The following GNAS variants were observed in gnomAD, a reference collection of about 807,000 sequenced individuals.
GNAS encodes GNAS complex locus, also known as protein ALEX.
GNAS carries 8 observed loss-of-function variants against 54.5 expected under a neutral mutation model. The ratio of observed to expected loss-of-function variants is 0.15; its 90% confidence interval spans 0.09 to 0.26. GNAS has a LOEUF of 0.26. Ranked by LOEUF, GNAS falls within the 10% of genes least tolerant of loss-of-function variation. The probability of loss-of-function intolerance (pLI) is 1.00; values close to 1 mark genes in which losing one functional copy is unlikely to be tolerated. For missense variants in GNAS, 170 were observed against 529.8 expected (o/e 0.32, Z 6.67); for synonymous variants, 204 against 191.4 (o/e 1.07, Z -0.54).
chr20:58,906,452 G>C (rs2091052873), intron 6 of GNAS, among the ~76,000 whole-genome samples: 1 of 152,206 alleles, frequency 6.6e-6, no homozygotes, highest in Non-Finnish European at 1.5e-5. Context: ...AGTTGCCTTT[G>C]AAATAGTTTA....
intron 1 of GNAS, chr20:58,854,506 G>A (rs747039005): frequency 6.3e-7 from 1 of 1,575,222 alleles, no homozygotes. Context: ...CCCGACTCCG[G>A]GACAGCACCA....
chr20:58,871,666 A>G (rs1343986395), intron 1 of GNAS, among the ~76,000 whole-genome samples: 77 of 145,020 alleles, frequency 5.3e-4, no homozygotes, highest in Middle Eastern at 3.6e-3. Flanking sequence ...ATTAAAAGGG[A>G]GAGAGAGGAG....
In GNAS at chr20:58,910,440, CCT is replaced by C. The variant is rs771472751; in HGVS notation, c.1038+42_1038+43del. 1.3e-5 allele frequency: 19 copies of C among 1,456,982 alleles called. No homozygotes were observed. The highest frequency in any genetic ancestry group is 1.6e-5 in the Non-Finnish European group (17 of 1,036,964). 90.3% of individuals were successfully genotyped at this position (1,456,982 alleles called of 1,614,324 possible). ...GTCTTTAGTTTCCTCTCTTGTTCCT[CCT>C]CTTTTTCTCATGGATGTAAATTTAC... is the stretch of plus-strand genomic sequence containing the variant. On this transcript the variant is annotated intron_variant, in intron 12 of 12. Transcript: ENST00000371085. This position sits in a 1 kb window ranked among gnomAD's most constrained non-coding sequence, Gnocchi z 5.8.
upstream of GNAS, chr20:58,889,488 A>C (rs959603817): frequency 6.8e-6 from 2 of 295,636 alleles, no homozygotes; most frequent in Non-Finnish European, 9.9e-6. Flanking sequence ...GCACCCCCCA[A>C]TTCTCTCTCT....
intron 1 of GNAS, chr20:58,854,189 G>A: frequency 6.2e-7 from 1 of 1,613,044 alleles, no homozygotes; most frequent in African/African-American, 1.3e-5. Flanking sequence ...CCGGACCCCC[G>A]TTCGAGATTG....
At chr20:58,871,626 A>AG (rs1317409010) in intron 1 of GNAS, among the ~76,000 whole-genome samples, 1 of 147,662 alleles carries the variant, frequency 6.8e-6, no homozygotes, top group Non-Finnish European at 1.5e-5. Flanking sequence ...AAAAAAAAAA[A>AG]AAACAAACAA....
Position 58,853,630 on chromosome 20 carries a change from G to A in GNAS, c.43+12744G>A. 1 of 1,613,462 alleles carries A rather than the reference G, an allele frequency of 6.2e-7. No homozygotes were observed. Among genetic ancestry groups the A allele is most frequent in the Non-Finnish European group, 8.5e-7 (1 of 1,179,888 alleles). ...TTCTGGCCTACACTGGAGCAGCCTG[G>A]ATTCCCCAGTGGGGTCCATGCAGGC... On this transcript the variant is annotated intron_variant, in intron 1 of 12. Coordinates refer to the GNAS transcript ENST00000306090. This position sits in a 1 kb window ranked among gnomAD's most constrained non-coding sequence, Gnocchi z 4.4.
chr20:58,905,427 G>A lies in GNAS; in HGVS notation c.477G>A (p.Val159=), dbSNP rs1249617855. 2 of 1,611,024 alleles carry A rather than the reference G, an allele frequency of 1.2e-6. No individual in the cohort carries two copies. Among genetic ancestry groups the A allele is most frequent in the African/African-American group, 1.3e-5 (1 of 74,848 alleles). The part of the protein sequence containing the change: ...HAKALWEDEG[V]RACYERSNEY... ...AGGCTCTGTGGGAGGATGAAGGAGT[G>A]CGTGCCTGCTACGAACGCTCCAACG... is the stretch of plus-strand genomic sequence containing the variant. Residue 159 remains valine, a synonymous_variant, in exon 6 of 13, where the codon GTG becomes GTA. Coordinates refer to ENST00000371085, the MANE Select transcript of GNAS (RefSeq NM_000516.7).
In GNAS at chr20:58,873,450, T is replaced by C. The variant is rs1156256651; in HGVS notation, c.44-22162T>C. Among the ~76,000 whole-genome samples the C allele has an allele frequency of 6.6e-6, 1 of 152,250 alleles. No homozygotes were observed. The highest frequency in any genetic ancestry group is 2.4e-5 in the African/African-American group (1 of 41,456). On this transcript the variant is annotated intron_variant, in intron 1 of 12. Transcript: ENST00000306090. The surrounding 1 kb of genome is among the most constrained non-coding windows in gnomAD (Gnocchi z 4.3). ...CTGAGGTTTACTCATCTGTAGGTTA[T>C]GTCCAACTTGGCAAAAGCATGGAAT...
chr20:58,899,770 T>G (rs1020722875), intron 3 of GNAS, among the ~76,000 whole-genome samples: 2 of 152,132 alleles, frequency 1.3e-5, no homozygotes, highest in Non-Finnish European at 2.9e-5. Flanking sequence ...ACTCTAGCTC[T>G]GCTGTGTATT....
At position 58,891,678 on chromosome 20, in the gene GNAS, GCCCGCCGCCGCCGCAGCCCGGCCGCGC is replaced by G. The variant is rs756216026; in HGVS notation, c.-34_-8del. 4.3e-4 allele frequency: 416 copies of G among 963,562 alleles called. 2 individuals carry two copies. The Admixed American group carries it at 8.0e-3, about 19-fold the overall frequency. 59.7% of individuals were successfully genotyped at this position (963,562 alleles called of 1,614,324 possible). A position where few individuals can be genotyped will look rare whatever the true frequency, so the allele number is the denominator to read the frequency against. ...TCCCGGCCCGCGTGAGGCCGCCCGC[GCCCGCCGCCGCCGCAGCCCGGCCGCGC>G]CCCGCCGCCGCCGCCGCCGCCATGG... On this transcript the variant is annotated 5_prime_UTR_variant, in exon 1 of 13. Coordinates refer to ENST00000371085, the MANE Select transcript of GNAS (RefSeq NM_000516.7).
Position 58,854,395 on chromosome 20 carries a change from G to T in GNAS, c.43+13509G>T, listed in dbSNP as rs778121381. 22 of 1,566,214 alleles carry T rather than the reference G, an allele frequency of 1.4e-5. No individual in the cohort carries two copies. The African/African-American group carries it at 2.5e-4, about 17-fold the overall frequency. ...GAGGGAGGAAAAGTACCCTCTCCGGGGTACGGATCCCCTGCCGCCGGGGCA... is the reference window on the plus strand; with the variant it reads ...GAGGGAGGAAAAGTACCCTCTCCGGTGTACGGATCCCCTGCCGCCGGGGCA... On this transcript the variant is annotated intron_variant, in intron 1 of 12. Coordinates refer to the GNAS transcript ENST00000306090.
intron 1 of GNAS, among the ~76,000 whole-genome samples, chr20:58,866,126 A>G (rs928300888): frequency 6.6e-6 from 1 of 152,172 alleles, no homozygotes; most frequent in African/African-American, 2.4e-5. Context: ...ACAACAGCAG[A>G]GCCTTTAACT....
At chr20:58,854,239 T>A in intron 1 of GNAS, 1 of 1,613,240 alleles carries the variant, frequency 6.2e-7, no homozygotes, top group East Asian at 2.2e-5. Context: ...CCCGTCAACA[T>A]GGACAGCCCC....
Position 58,909,242 on chromosome 20 carries a change from G to A in GNAS, c.585+26G>A, listed in dbSNP as rs201602272. On this transcript the variant is annotated intron_variant, in intron 7 of 12. Coordinates refer to ENST00000371085, the MANE Select transcript of GNAS (RefSeq NM_000516.7). The surrounding 1 kb of genome is among the most constrained non-coding windows in gnomAD (Gnocchi z 7.3). ...GTGTGCAAAACCCCTCCCCACCAGA[G>A]GACTCTGAGCCCTCTTTCCAAACTA... 24 of 1,606,010 alleles carry A rather than the reference G, an allele frequency of 1.5e-5. No individual in the cohort carries two copies. Among genetic ancestry groups the A allele is most frequent in the Non-Finnish European group, 2.0e-5 (24 of 1,172,826 alleles).
chr20:58,858,901 G>C (rs1356395471), intron 1 of GNAS, among the ~76,000 whole-genome samples: 3 of 152,060 alleles, frequency 2.0e-5, no homozygotes, highest in Non-Finnish European at 2.9e-5. Context: ...CAAAATTTTG[G>C]AGTCCAGATA....
intron 6 of GNAS, among the ~76,000 whole-genome samples, chr20:58,907,286 A>AT (rs2091126415): frequency 6.6e-6 from 1 of 152,084 alleles, no homozygotes; most frequent in South Asian, 2.1e-4. Context: ...AAATGTGTAT[A>AT]TTTTTTCAAG....
At chr20:58,846,748 A>G (rs1360656201) in intron 1 of GNAS, among the ~76,000 whole-genome samples, 1 of 152,180 alleles carries the variant, frequency 6.6e-6, no homozygotes, top group African/African-American at 2.4e-5. Context: ...ATTAGATTTC[A>G]TTAGGAAAAT....
chr20:58,907,236 T>G (rs898301319), intron 6 of GNAS, among the ~76,000 whole-genome samples: 1 of 152,182 alleles, frequency 6.6e-6, no homozygotes, highest in African/African-American at 2.4e-5. Context: ...TTATTTTCAA[T>G]TGCCACATAC....
Sources: gnomAD v4.1 joint callset for allele counts (sites outside exome capture counted in the v4.1 genomes callset) on GRCh38, gnomAD v4.1.1 for gene constraint, Gnocchi (gnomAD v3.1) non-coding constraint, MANE v1.5 for transcripts, NCBI Gene and HGNC (gene_info 2026-07-23, HGNC 2026-07-21) for gene names.